Variants in NDE1 observed in about 807,000 individuals in gnomAD.
NDE1 encodes nuclear distribution protein nudE homolog 1.
A neutral mutation model predicts 43.4 loss-of-function variants in NDE1; 28 were observed. The ratio of observed to expected loss-of-function variants is 0.65; its 90% CI spans 0.48 to 0.89. The LOEUF (loss-of-function observed/expected upper bound fraction) is 0.89, where lower values mean the gene tolerates loss of function less well. NDE1 is among the 40% of genes least tolerant of loss of function. The pLI is 0.00. For missense variants in NDE1, 441 were observed against 434.1 expected (o/e 1.02, Z -0.14); for synonymous variants, 184 against 172.0 (o/e 1.07, Z -0.55).
intron 8 of NDE1, among the ~76,000 whole-genome samples, chr16:15,710,232 C>T (rs898349178): frequency 1.3e-5 from 2 of 152,112 alleles, no homozygotes; most frequent in African/African-American, 4.8e-5. Flanking sequence ...GCTAAAGAAT[C>T]ACTGGGCCGG....
At chr16:15,703,567 C>T (rs991022927) in intron 8 of NDE1, 2 of 335,644 alleles carry the variant, frequency 6.0e-6, no homozygotes, top group Non-Finnish European at 1.1e-5. Context: ...TCAATTTTTA[C>T]CTTGAATACA....
chr16:15,678,723 G>T (rs765579189), intron 4 of NDE1, among the ~76,000 whole-genome samples: 1 of 152,088 alleles, frequency 6.6e-6, no homozygotes, highest in Non-Finnish European at 1.5e-5. Context: ...CAGCCAAGCA[G>T]TTTTTTTGGA....
upstream of NDE1, chr16:15,650,096 G>C (rs1056754187): frequency 1.3e-5 from 2 of 152,682 alleles, no homozygotes; most frequent in African/African-American, 2.4e-5. Context: ...CGCCGCGCCC[G>C]GCCTGGGAAA....
upstream of NDE1, chr16:15,650,168 A>C (rs909879033): frequency 6.0e-6 from 1 of 166,204 alleles, no homozygotes; most frequent in Non-Finnish European, 1.3e-5. Context: ...ACCGTAGAGC[A>C]GCAGCCAATG....
Position 15,691,267 on chromosome 16 carries a change from C to G in NDE1, c.647C>G (p.Pro216Arg). ...GCCACGGGCTCCGTGCCGTCCACGC[C>G]CATTGCTCACCGAGGACCCAGCTCA... Reference protein sequence around the residue: ...VQATGSVPSTPIAHRGPSSSL... With the variant: ...VQATGSVPSTRIAHRGPSSSL... The change falls in exon 6 of 9, where the codon CCC (proline) becomes CGC (arginine). Residue 216 changes from proline (P) to arginine (R), a missense_variant. Physicochemically the swap from Pro to Arg is moderately radical, Grantham distance 103. Coordinates refer to ENST00000396354, the MANE Select transcript of NDE1 (RefSeq NM_017668.3). 1 of 1,614,116 alleles carries G rather than the reference C, an allele frequency of 6.2e-7. No individual in the cohort carries two copies. Among genetic ancestry groups the G allele is most frequent in the Non-Finnish European group, 8.5e-7 (1 of 1,179,992 alleles).
At chr16:15,695,441 G>C in intron 7 of NDE1, 1 of 948,030 alleles carries the variant, frequency 1.1e-6, no homozygotes, top group Non-Finnish European at 1.3e-6. Flanking sequence ...CCGGGAGGCG[G>C]AGGTTGCAGT....
chr16:15,691,161 G>A lies in NDE1; in HGVS notation c.541G>A (p.Ala181Thr). 1 of 1,614,056 alleles carries A rather than the reference G, an allele frequency of 6.2e-7. No homozygotes were observed. Among genetic ancestry groups the A allele is most frequent in the South Asian group, 1.1e-5 (1 of 91,076 alleles). ...TGGCACAGATTTGCGGCAGGAACTG[G>A]CCGTGCAGCAGAAGCAGGAGAAACC... Reference protein sequence around the residue: ...DEARDLRQELAVQQKQEKPRT... With the variant: ...DEARDLRQELTVQQKQEKPRT... The change falls in exon 6 of 9, where the codon GCC becomes ACC. Residue 181 changes from alanine (A) to threonine (T), a missense_variant. Ala to Thr is a moderately conservative substitution (Grantham distance 58). Transcript: ENST00000396354.
intron 4 of NDE1, among the ~76,000 whole-genome samples, chr16:15,685,640 C>G (rs2038401020): frequency 6.6e-6 from 1 of 152,136 alleles, no homozygotes; most frequent in African/African-American, 2.4e-5. Flanking sequence ...ATGACTCCAT[C>G]TAGACATAGT....
chr16:15,686,269 A>G (rs1300439418), intron 4 of NDE1: 1 of 726,154 alleles, frequency 1.4e-6, no homozygotes, highest in Non-Finnish European at 1.7e-6. Flanking sequence ...ACTTCTTGCC[A>G]CCCCTTCCCC....
intron 8 of NDE1, among the ~76,000 whole-genome samples, chr16:15,715,618 G>A (rs900440930): frequency 6.6e-6 from 1 of 152,090 alleles, no homozygotes; most frequent in African/African-American, 2.4e-5. Context: ...ACAGGGCATG[G>A]GGTTTCTATT....
rs1315936081 is a variant in NDE1 at position 15,720,885 on chromosome 16, G to A, written c.948-3306G>A. ...CTTCTCCTCATTCTGCTCGTCCCGG[G>A]CTTGGAGATCCCTTTCGAACTGGCC... On this transcript the variant is annotated intron_variant, in intron 8 of 8. Transcript: ENST00000396354. The A allele has an allele frequency of 1.9e-6, 3 of 1,613,952 alleles. No homozygotes were observed. In the South Asian group the frequency reaches 3.3e-5, roughly 18 times the overall value.
intron 8 of NDE1, chr16:15,703,942 G>A (rs774403210): frequency 1.2e-6 from 2 of 1,612,730 alleles, no homozygotes; most frequent in Non-Finnish European, 1.7e-6. Context: ...TTGTTTGTTT[G>A]TTTTGGTTTT....
intron 3 of NDE1, among the ~76,000 whole-genome samples, chr16:15,676,583 G>C (rs548771354): frequency 6.6e-6 from 1 of 152,204 alleles, no homozygotes; most frequent in East Asian, 1.9e-4. Flanking sequence ...GGGGAGTCCT[G>C]GATCAAAAAT....
At chr16:15,648,116 C>T (rs944403763), upstream of NDE1, among the ~76,000 whole-genome samples, 1 of 151,504 alleles carries the variant, frequency 6.6e-6, no homozygotes, top group Non-Finnish European at 1.5e-5. Context: ...TTATGGGGTA[C>T]ATGAGATATT....
upstream of NDE1, among the ~76,000 whole-genome samples, chr16:15,648,914 G>T (rs890723639): frequency 1.3e-5 from 2 of 151,868 alleles, no homozygotes; most frequent in African/African-American, 4.8e-5. Flanking sequence ...ACGATCTTCA[G>T]GCAGTGTGTG....
chr16:15,649,933 T>A (rs2036412135), upstream of NDE1, among the ~76,000 whole-genome samples: 1 of 152,212 alleles, frequency 6.6e-6, no homozygotes, highest in Non-Finnish European at 1.5e-5. Context: ...CGTATTTTCC[T>A]GAAATGCGCG....
chr16:15,698,560 CG>C (rs2099561217), intron 8 of NDE1, among the ~76,000 whole-genome samples: 1 of 151,112 alleles, frequency 6.6e-6, no homozygotes, highest in Non-Finnish European at 1.5e-5. Context: ...GACCTTTACA[CG>C]TGGATTTTTA....
rs2037217276 is a variant in NDE1 at position 15,664,763 on chromosome 16, T to C, written c.-16T>C. 6.3e-7 allele frequency: 1 copy of C among 1,587,472 alleles called. No individual in the cohort carries two copies. The highest frequency in any genetic ancestry group is 1.3e-5 in the African/African-American group (1 of 74,274). ...ACCATGCCACAAGGAGAGTGATCTC[T>C]TCCCCTGTTTTCACAATGGAGGACT... On this transcript the variant is annotated 5_prime_UTR_variant, in exon 2 of 9. Coordinates refer to ENST00000396354, the MANE Select transcript of NDE1 (RefSeq NM_017668.3).
intron 7 of NDE1, 42 bp from the exon 8 acceptor site, chr16:15,696,667 C>T (rs777064302): frequency 1.2e-6 from 2 of 1,613,862 alleles, no homozygotes. Context: ...ACAGAATAGT[C>T]CTTGCCTATA....
Sources: gnomAD v4.1 joint callset for allele counts (sites outside exome capture counted in the v4.1 genomes callset) on GRCh38, gnomAD v4.1.1 for gene constraint, MANE v1.5 for transcripts, NCBI Gene and HGNC (gene_info 2026-07-23, HGNC 2026-07-21) for gene names.